Variants in MAP4K1 observed in about 807,000 individuals in gnomAD.
MAP4K1 encodes MAPK/ERK kinase kinase kinase 1.
Under a neutral mutation model 122.8 loss-of-function variants are expected in MAP4K1, and 35 were observed. The ratio of observed to expected loss-of-function variants is 0.29; its 90% CI spans 0.22 to 0.38. The LOEUF (loss-of-function observed/expected upper bound fraction) is 0.38. MAP4K1 is among the 10% of genes least tolerant of loss of function. MAP4K1 has a pLI of 1.00. For missense variants in MAP4K1, 791 were observed against 1,072.6 expected (o/e 0.74, Z 3.67); for synonymous variants, 412 against 421.3 (o/e 0.98, Z 0.27).
At chr19:38,600,040 G>A (rs373166252) in intron 21 of MAP4K1, 37 bp downstream of exon 21, 7 of 1,614,000 alleles carry the variant, frequency 4.3e-6, no homozygotes, top group Middle Eastern at 1.6e-4. Context: ...CCCGACTCCG[G>A]CCCTTGCCCT....
Position 38,606,175 on chromosome 19 carries a change from TG to T in MAP4K1, c.1197del (p.Lys400SerfsTer21). The T allele has an allele frequency of 1.3e-6, 2 of 1,578,642 alleles. No homozygotes were observed. The highest frequency in any genetic ancestry group is 1.2e-5 in the South Asian group (1 of 86,086). On this transcript the variant is annotated frameshift_variant, in exon 17 of 31. Coordinates refer to ENST00000396857, the MANE Select transcript of MAP4K1 (RefSeq NM_001042600.3). LOFTEE classifies it high-confidence loss of function. ...PAEDTPPPLPPKPKFRSPSDE... is the reference protein window; with the variant it reads ...PAEDTPPPLPXKPKFRSPSDE... Reference sequence around the variant, plus strand: ...CCAGCTCTGGCCCAGGGCCTTACCTTGGGGGGAAGTGGAGGAGGTGTGTCCT... The same window carrying T: ...CCAGCTCTGGCCCAGGGCCTTACCTTGGGGGAAGTGGAGGAGGTGTGTCCT...
intron 22 of MAP4K1, among the ~76,000 whole-genome samples, chr19:38,598,520 C>T (rs1191030437): frequency 6.6e-6 from 1 of 151,846 alleles, no homozygotes; most frequent in Non-Finnish European, 1.5e-5. Flanking sequence ...TTAGTAGAGA[C>T]GAGGTCTCAC....
chr19:38,609,011 AT>A lies in MAP4K1; in HGVS notation c.1006+584del, dbSNP rs201968070. On this transcript the variant is annotated intron_variant, in intron 13 of 30. Coordinates refer to ENST00000396857, the MANE Select transcript of MAP4K1 (RefSeq NM_001042600.3). Reference sequence around the variant, plus strand: ...AATAAACAAATAAATAAGTTTTGGGATCAGGAAGTTGGGGGCTCAATGTAGT... The same window carrying A: ...AATAAACAAATAAATAAGTTTTGGGACAGGAAGTTGGGGGCTCAATGTAGT... Among the ~76,000 whole-genome samples the A allele has an allele frequency of 4.6e-5, 7 of 152,060 alleles. No homozygotes were observed. In the East Asian group the frequency reaches 1.2e-3, roughly 25 times the overall value.
At position 38,608,799 on chromosome 19, in the gene MAP4K1, C is replaced by CAAAAAAAAAAAAAAAA. The variant is rs1031744033; in HGVS notation, c.1007-645_1007-630dup. Among the ~76,000 whole-genome samples the CAAAAAAAAAAAAAAAA allele has an allele frequency of 4.2e-4, 4 of 9,558 alleles. 1 individual carries two copies. The highest frequency in any genetic ancestry group is 8.8e-4 in the Non-Finnish European group (4 of 4,546). 6.3% of individuals were successfully genotyped at this position (9,558 alleles called of 152,430 possible). A position where few individuals can be genotyped will look rare whatever the true frequency, so the allele number is the denominator to read the frequency against. ...TGGGCGACAGAGTGAAACTCCGTCTCAAAAAAAAAAAAAAAAAAAAAAAAA... is the reference window on the plus strand; with the variant it reads ...TGGGCGACAGAGTGAAACTCCGTCTCAAAAAAAAAAAAAAAAAAAAAAAAAAAAAAAAAAAAAAAAA... On this transcript the variant is annotated intron_variant, in intron 13 of 30. Coordinates refer to ENST00000396857, the MANE Select transcript of MAP4K1 (RefSeq NM_001042600.3).
At chr19:38,596,245 C>CCCG in intron 26 of MAP4K1, 67 bp downstream of exon 26, 3 of 1,474,842 alleles carry the variant, frequency 2.0e-6, no homozygotes, top group Non-Finnish European at 2.7e-6. Flanking sequence ...TAAGCGAAGC[C>CCCG]CCGCCTCCAG....
chr19:38,595,760 T>C, intron 27 of MAP4K1, 31 bp from the exon 28 acceptor site: 1 of 1,559,060 alleles, frequency 6.4e-7, no homozygotes, highest in Non-Finnish European at 8.8e-7. Context: ...TTAAGAACTG[T>C]GAGCAAGGCT....
intron 25 of MAP4K1, 56 bp from the exon 26 acceptor site, chr19:38,596,542 G>T (rs1041779357): frequency 9.3e-6 from 13 of 1,401,172 alleles, no homozygotes; most frequent in African/African-American, 2.9e-5. Context: ...GGGGCCTCAG[G>T]GGGCGTGGCT....
chr19:38,607,982 TC>T lies in MAP4K1; in HGVS notation c.1109+7del. 3 of 1,611,364 alleles carry T rather than the reference TC, an allele frequency of 1.9e-6. No individual in the cohort carries two copies. Among genetic ancestry groups the T allele is most frequent in the Non-Finnish European group, 2.5e-6 (3 of 1,178,860 alleles). ...AGCCCCCTCCCCATCCTCCCTGGGG[TC>T]CCTGACCTGGGGCTGCTGCTCCTGA... On this transcript the variant is annotated splice_region_variant and intron_variant, in intron 15 of 30. Transcript: ENST00000396857.
intron 11 of MAP4K1, 37 bp from the exon 12 acceptor site, chr19:38,610,062 G>T (rs752936116): frequency 2.1e-6 from 3 of 1,453,784 alleles, no homozygotes; most frequent in South Asian, 1.1e-5. Flanking sequence ...CCAGAGGGAT[G>T]GTGTGGACAG....
chr19:38,590,397 ATATATAT>A (rs1568618945), intron 30 of MAP4K1, among the ~76,000 whole-genome samples: 40 of 29,732 alleles, frequency 1.3e-3, no homozygotes, highest in African/African-American at 7.2e-3. Context: ...AAAAAAAAAT[ATATATAT>A]ATATATATAT....
At chr19:38,604,420 A>T (rs980868794) in intron 19 of MAP4K1, among the ~76,000 whole-genome samples, 1 of 152,010 alleles carries the variant, frequency 6.6e-6, no homozygotes, top group Non-Finnish European at 1.5e-5. Flanking sequence ...TAACTTCTGG[A>T]CTCAAGCAAT....
chr19:38,616,102 A>T (rs567682532), intron 4 of MAP4K1, 93 bp downstream of exon 4: 3 of 869,534 alleles, frequency 3.5e-6, no homozygotes, highest in Non-Finnish European at 5.4e-6. Flanking sequence ...TTCCTGTGAG[A>T]TACACACACA....
At chr19:38,593,382 A>T in intron 29 of MAP4K1, 45 bp from the exon 30 acceptor site, 1 of 1,527,372 alleles carries the variant, frequency 6.5e-7, no homozygotes, top group Non-Finnish European at 8.9e-7. Context: ...AGATACCTCC[A>T]CTGTCACTAC....
At position 38,597,272 on chromosome 19, in the gene MAP4K1, C is replaced by T. The variant is rs373892586; in HGVS notation, c.1837+54G>A. The T allele has an allele frequency of 3.0e-5, 48 of 1,610,144 alleles. No homozygotes were observed. Among genetic ancestry groups the T allele is most frequent in the African/African-American group, 5.3e-5 (4 of 74,976 alleles). On this transcript the variant is annotated intron_variant, in intron 24 of 30. Transcript: ENST00000396857. The surrounding 1 kb of genome is among the most constrained non-coding windows in gnomAD (Gnocchi z 4.6). ...TCTCAGGTGGATGCAGTTCAAGCCCCTCCTCTGGCCTGGCCCCGCCCACTC... is the reference window on the plus strand; with the variant it reads ...TCTCAGGTGGATGCAGTTCAAGCCCTTCCTCTGGCCTGGCCCCGCCCACTC...
chr19:38,587,686 A>G lies in MAP4K1; in HGVS notation c.*62T>C. ...TATTGGGAGATGAGGACATGCCATG[A>G]CCACTAGTGTGTCTATGGGGGAGGG... is the stretch of plus-strand genomic sequence containing the variant. On this transcript the variant is annotated 3_prime_UTR_variant, in exon 31 of 31. Transcript: ENST00000396857. 1 of 1,257,452 alleles carries G rather than the reference A, an allele frequency of 8.0e-7. No homozygotes were observed. Among genetic ancestry groups the G allele is most frequent in the South Asian group, 1.2e-5 (1 of 83,300 alleles). 77.9% of individuals were successfully genotyped at this position (1,257,452 alleles called of 1,614,324 possible).
chr19:38,603,119 TAC>T (rs1975183257), intron 19 of MAP4K1, among the ~76,000 whole-genome samples: 1 of 140,202 alleles, frequency 7.1e-6, no homozygotes, highest in African/African-American at 2.6e-5. Flanking sequence ...TATACACATG[TAC>T]ATATATACGC....
At position 38,591,445 on chromosome 19, in the gene MAP4K1, T is replaced by C. The variant is rs540891823; in HGVS notation, c.2396+1837A>G. Among the ~76,000 whole-genome samples the C allele has an allele frequency of 2.0e-5, 3 of 148,836 alleles. No individual in the cohort carries two copies. The South Asian group carries it at 6.4e-4, about 32-fold the overall frequency. The stretch of plus-strand genomic sequence containing the variant: ...ACTCAGGAGGTTGAGACAGGAGACT[T>C]GCCTGAACCCGGGAGGCAGAGGTTG... On this transcript the variant is annotated intron_variant, in intron 30 of 30. Transcript: ENST00000396857.
chr19:38,593,242 C>A, intron 30 of MAP4K1, 40 bp downstream of exon 30: 1 of 1,585,518 alleles, frequency 6.3e-7, no homozygotes, highest in Non-Finnish European at 8.6e-7. Context: ...ACATCAGAAG[C>A]CCCCTCCCAG....
chr19:38,614,073 G>C lies in MAP4K1; in HGVS notation c.430C>G (p.Leu144Val). ...IHRDIKGANI[L>V]INDAGEVRLA... The stretch of plus-strand genomic sequence containing the variant: ...CTGACCTCCCCAGCATCATTGATGA[G>C]GATGTTAGCTCCCTGGGAATGAGAG... Residue 144 changes from leucine (L) to valine (V), a missense_variant, in exon 7 of 31, where the codon CTC becomes GTC. Physicochemically the swap from Leu to Val is conservative, Grantham distance 32. Coordinates refer to ENST00000396857, the MANE Select transcript of MAP4K1 (RefSeq NM_001042600.3). 6.2e-7 allele frequency: 1 copy of C among 1,612,950 alleles called. No homozygotes were observed. Among genetic ancestry groups the C allele is most frequent in the Non-Finnish European group, 8.5e-7 (1 of 1,179,860 alleles).
Sources: gnomAD v4.1 joint callset for allele counts (sites outside exome capture counted in the v4.1 genomes callset) on GRCh38, gnomAD v4.1.1 for gene constraint, Gnocchi (gnomAD v3.1) non-coding constraint, MANE v1.5 for transcripts, NCBI Gene and HGNC (gene_info 2026-07-23, HGNC 2026-07-21) for gene names.